MBNL2: variants seen among roughly 807,000 people sequenced by gnomAD.
MBNL2 encodes the protein muscleblind-like protein 2.
A neutral mutation model predicts 41.9 loss-of-function variants in MBNL2; 17 were observed. The ratio of observed to expected loss-of-function variants is 0.41; its 90% CI spans 0.28 to 0.61. MBNL2 has a LOEUF of 0.61. Ranked by LOEUF, MBNL2 falls within the 20% of genes least tolerant of loss-of-function variation. The pLI, the probability that MBNL2 is intolerant of heterozygous loss-of-function variation, is 0.35. For synonymous variants in MBNL2, 195 were observed against 182.9 expected (o/e 1.07, Z -0.53); for missense variants, 336 against 505.6 (o/e 0.66, Z 3.22).
At chr13:97,149,533 A>G in the MBNL2 span, among the ~76,000 whole-genome samples, 1 of 152,100 alleles carries the variant, frequency 6.6e-6, no homozygotes, top group Non-Finnish European at 1.5e-5. Flanking sequence ...AATAGCAAAC[A>G]CTTAAGAAGC....
At chr13:97,297,838 T>G (rs1178457585) in intron 2 of MBNL2, among the ~76,000 whole-genome samples, 4 of 152,158 alleles carry the variant, frequency 2.6e-5, no homozygotes, top group Admixed American at 2.0e-4. Flanking sequence ...TGCCTGTCAT[T>G]CTAAACAAGC....
rs1029546001 is a variant in MBNL2, at chr13:97,268,323, A to C, written c.-604-7309A>C. Among the ~76,000 whole-genome samples, 2 of 151,972 alleles carry C rather than the reference A, an allele frequency of 1.3e-5. No homozygotes were observed. The highest frequency in any genetic ancestry group is 2.9e-5 in the Non-Finnish European group (2 of 67,998). On this transcript the variant is annotated intron_variant, in intron 1 of 8. Coordinates refer to ENST00000679496, the MANE Select transcript of MBNL2 (RefSeq NM_001382683.1). This position sits in a 1 kb window ranked among gnomAD's most constrained non-coding sequence, Gnocchi z 4.6. Reference sequence around the variant, plus strand: ...CACCATGCTTTCCAGGCTGGTCTGGAACTCCTGACTTCAAATGATCCATCT... The same window carrying C: ...CACCATGCTTTCCAGGCTGGTCTGGCACTCCTGACTTCAAATGATCCATCT...
intron 2 of MBNL2, 24 bp downstream of exon 2, chr13:97,276,433 C>A: frequency 6.3e-7 from 1 of 1,597,380 alleles, no homozygotes; most frequent in South Asian, 1.1e-5. Context: ...TTTTATGTGT[C>A]ATTTCAATAC....
At chr13:97,251,039 G>A (rs909511953) in intron 1 of MBNL2, among the ~76,000 whole-genome samples, 3 of 151,816 alleles carry the variant, frequency 2.0e-5, no homozygotes, top group Admixed American at 6.6e-5. Flanking sequence ...ACTCTTGTAC[G>A]GTCAGTTTTG....
chr13:97,320,927 A>G (rs1463572958), intron 2 of MBNL2, among the ~76,000 whole-genome samples: 4 of 152,062 alleles, frequency 2.6e-5, no homozygotes, highest in African/African-American at 9.7e-5. Flanking sequence ...AAACAAAAAG[A>G]TAGCCATATT....
At chr13:97,168,212 C>T in the MBNL2 span, among the ~76,000 whole-genome samples, 1 of 152,294 alleles carries the variant, frequency 6.6e-6, no homozygotes, top group South Asian at 2.1e-4. Flanking sequence ...GATCCACCCA[C>T]CTCAGCCTCT....
At chr13:97,324,093 C>T (rs1228312186) in intron 2 of MBNL2, among the ~76,000 whole-genome samples, 1 of 152,168 alleles carries the variant, frequency 6.6e-6, no homozygotes, top group African/African-American at 2.4e-5. Context: ...CTAACTCCCA[C>T]CTTCCTCCCC....
At chr13:97,313,452 AAAG>A (rs1290991182) in intron 2 of MBNL2, among the ~76,000 whole-genome samples, 1 of 152,186 alleles carries the variant, frequency 6.6e-6, no homozygotes, top group Non-Finnish European at 1.5e-5. Context: ...ATTTTTTAAA[AAAG>A]ATCTTATTGA....
chr13:97,310,460 C>A (rs2058492312), intron 2 of MBNL2, among the ~76,000 whole-genome samples: 1 of 149,628 alleles, frequency 6.7e-6, no homozygotes, highest in African/African-American at 2.5e-5. Flanking sequence ...GACGGAGTCT[C>A]ACTCTGTTGC....
At chr13:97,347,988 C>G (rs1421232848) in intron 5 of MBNL2, among the ~76,000 whole-genome samples, 1 of 152,058 alleles carries the variant, frequency 6.6e-6, no homozygotes, top group Admixed American at 6.5e-5. Flanking sequence ...TTGGAACAAC[C>G]TGAAGGGTCT....
chr13:97,382,587 C>T (rs181953973), intron 8 of MBNL2, among the ~76,000 whole-genome samples: 142 of 152,002 alleles, frequency 9.3e-4, no homozygotes, highest in African/African-American at 3.3e-3. Flanking sequence ...GATAAAATCT[C>T]GGGCCTGCTT....
intron 3 of MBNL2, among the ~76,000 whole-genome samples, chr13:97,338,925 C>T (rs17301432): frequency 0.11 from 17,358 of 152,132 alleles, 1,059 homozygotes; most frequent in East Asian, 0.17. Context: ...TGAAATACCT[C>T]GGGCCACTTG....
the MBNL2 span, among the ~76,000 whole-genome samples, chr13:97,205,292 G>A: frequency 6.7e-6 from 1 of 150,308 alleles, no homozygotes; most frequent in African/African-American, 2.4e-5. Flanking sequence ...TCAGAAGGCT[G>A]AGGCACAAGA....
At chr13:97,256,862 TA>T (rs1284428450) in intron 1 of MBNL2, among the ~76,000 whole-genome samples, 2 of 152,240 alleles carry the variant, frequency 1.3e-5, no homozygotes, top group Non-Finnish European at 2.9e-5. Flanking sequence ...CGTTAAATGC[TA>T]AGTAAGTCAT....
chr13:97,298,729 A>G (rs146708155), intron 2 of MBNL2, among the ~76,000 whole-genome samples: 290 of 152,346 alleles, frequency 1.9e-3, no homozygotes, highest in African/African-American at 6.4e-3. Context: ...AAAAGCATGC[A>G]TTGGTGAATG....
At chr13:97,383,650 A>G (rs892153454) in intron 8 of MBNL2, among the ~76,000 whole-genome samples, 1 of 152,204 alleles carries the variant, frequency 6.6e-6, no homozygotes, top group Non-Finnish European at 1.5e-5. Context: ...TGAAGGTGCT[A>G]TGAAATATTA....
At chr13:97,340,792 T>G (rs940750943) in intron 3 of MBNL2, among the ~76,000 whole-genome samples, 1 of 152,228 alleles carries the variant, frequency 6.6e-6, no homozygotes, top group Non-Finnish European at 1.5e-5. Context: ...TAAAACATAC[T>G]GGGACATTGA....
At chr13:97,322,297 G>C (rs1262905593) in intron 2 of MBNL2, among the ~76,000 whole-genome samples, 2 of 152,086 alleles carry the variant, frequency 1.3e-5, no homozygotes, top group Non-Finnish European at 2.9e-5. Context: ...TCTGAAAAAA[G>C]TGCAGCTTCC....
At chr13:97,238,563 A>G (rs901629156) in intron 1 of MBNL2, among the ~76,000 whole-genome samples, 1 of 152,210 alleles carries the variant, frequency 6.6e-6, no homozygotes, top group South Asian at 2.1e-4. Context: ...GCCCAGTCCT[A>G]TGAGGTGCAG....
Sources: gnomAD v4.1 joint callset for allele counts (sites outside exome capture counted in the v4.1 genomes callset) on GRCh38, gnomAD v4.1.1 for gene constraint, Gnocchi (gnomAD v3.1) non-coding constraint, MANE v1.5 for transcripts, NCBI Gene and HGNC (gene_info 2026-07-23, HGNC 2026-07-21) for gene names.